The following KANSL1 variants were observed in gnomAD, a reference collection of about 807,000 sequenced individuals.
The protein encoded by KANSL1 is KAT8 regulatory NSL complex subunit 1.
Under a neutral mutation model 103.6 loss-of-function variants are expected in KANSL1, and 22 were observed. That is an observed-to-expected ratio of 0.21 (90% CI 0.15 to 0.30). The LOEUF is 0.30. Among genes scored for constraint, KANSL1 ranks in the 10% least tolerant of loss-of-function variants. The pLI is 1.00. For synonymous variants in KANSL1, 600 were observed against 527.6 expected (o/e 1.14, Z -1.88); for missense variants, 1,337 against 1,399.8 (o/e 0.96, Z 0.72).
At chr17:46,224,983 C>T (rs2048640516), upstream of KANSL1, 1 of 151,336 alleles carries the variant, frequency 6.6e-6, no homozygotes, top group Admixed American at 6.6e-5. Context: ...CACCTCGGCT[C>T]GGCCTGGCGC....
chr17:46,055,626 G>A (rs1437473085), intron 6 of KANSL1, among the ~76,000 whole-genome samples: 1 of 152,006 alleles, frequency 6.6e-6, no homozygotes, highest in African/African-American at 2.4e-5. Flanking sequence ...GGGGAGACAA[G>A]GCAAAGGGGA....
At chr17:46,153,488 A>C (rs2045240042) in intron 2 of KANSL1, among the ~76,000 whole-genome samples, 1 of 152,252 alleles carries the variant, frequency 6.6e-6, no homozygotes, top group African/African-American at 2.4e-5. Flanking sequence ...TGGGCTGGAA[A>C]TGAAAACAGA....
In KANSL1 at chr17:46,067,568, C is replaced by T. The variant is rs771191709; in HGVS notation, c.1633G>A (p.Val545Ile). Residue 545 changes from valine to isoleucine, a missense_variant, in exon 5 of 15, where the codon GTC becomes ATC. Val to Ile is a conservative substitution (Grantham distance 29). Coordinates refer to ENST00000432791, the MANE Select transcript of KANSL1 (RefSeq NM_015443.4). ...ACTTACGTGTTAATAACTCCATTGA[C>T]AGGTCTGAGTGCTCCACATGATTTG... Reference protein sequence around the residue: ...STKSCGALRPVNGVINTLQPV... With the variant: ...STKSCGALRPINGVINTLQPV... 6.3e-7 allele frequency: 1 copy of T among 1,595,004 alleles called. No individual in the cohort carries two copies.
intron 2 of KANSL1, among the ~76,000 whole-genome samples, chr17:46,142,367 CA>C (rs2044464900): frequency 6.6e-6 from 1 of 152,226 alleles, no homozygotes; most frequent in Non-Finnish European, 1.5e-5. Context: ...GTAATCACAG[CA>C]CTTTGGGAGG....
At chr17:46,066,466 T>C in intron 6 of KANSL1, 71 bp downstream of exon 6, 3 of 1,370,070 alleles carry the variant, frequency 2.2e-6, no homozygotes, top group Non-Finnish European at 2.9e-6. Flanking sequence ...ACACCAAAGT[T>C]GGCAAGAGAC....
At chr17:46,087,478 C>T (rs1033649977) in intron 3 of KANSL1, among the ~76,000 whole-genome samples, 46 of 152,136 alleles carry the variant, frequency 3.0e-4, no homozygotes, top group Non-Finnish European at 6.2e-4. Context: ...TGAGTGGCTA[C>T]CACGTGCAAG....
intron 3 of KANSL1, among the ~76,000 whole-genome samples, chr17:46,085,792 A>G (rs1287991710): frequency 2.0e-5 from 3 of 151,964 alleles, no homozygotes; most frequent in Non-Finnish European, 4.4e-5. Flanking sequence ...ACACCCAGCT[A>G]ATTGTTCTAT....
At chr17:46,128,493 T>C (rs1288181589) in intron 2 of KANSL1, among the ~76,000 whole-genome samples, 2 of 152,150 alleles carry the variant, frequency 1.3e-5, no homozygotes, top group Middle Eastern at 3.2e-3. Context: ...GAAATGTCAC[T>C]GTGACAAGTG....
intron 10 of KANSL1, chr17:46,035,053 G>C (rs565171553): frequency 6.6e-6 from 1 of 152,336 alleles, no homozygotes; most frequent in Admixed American, 6.5e-5. Flanking sequence ...CAGAGGCAGA[G>C]GTAAGCATCT....
chr17:46,218,588 G>C (rs1333353302), intron 1 of KANSL1, among the ~76,000 whole-genome samples: 1 of 152,092 alleles, frequency 6.6e-6, no homozygotes, highest in Non-Finnish European at 1.5e-5. Context: ...TTTGAGACCA[G>C]CCTGGCCAAC....
chr17:46,041,172 A>G (rs1284139802), intron 7 of KANSL1: 1 of 152,232 alleles, frequency 6.6e-6, no homozygotes, highest in African/African-American at 2.4e-5. Flanking sequence ...CTGTGAAACT[A>G]CTTCGTTATA....
chr17:46,207,399 A>C (rs2048005835), intron 1 of KANSL1, among the ~76,000 whole-genome samples: 1 of 152,054 alleles, frequency 6.6e-6, no homozygotes, highest in Non-Finnish European at 1.5e-5. Context: ...AATCCCAGCT[A>C]CTTGGGAGGC....
rs542767503 is a variant in KANSL1 at position 46,171,899 on chromosome 17, T to A, written c.245A>T (p.Tyr82Phe). ...AACAGATGTTACATCAGAGCAGAGA[T>A]AAGATGCCACCAGTGGTTGCAGCTT... ...LGKLQPLVAS[Y>F]LCSDVTSVPS... The change falls in exon 2 of 15, where the codon TAT (tyrosine) becomes TTT (phenylalanine). Residue 82 changes from tyrosine to phenylalanine, a missense_variant. Coordinates refer to ENST00000432791, the MANE Select transcript of KANSL1 (RefSeq NM_015443.4). The A allele has an allele frequency of 1.2e-6, 2 of 1,614,266 alleles. No individual in the cohort carries two copies. The highest frequency in any genetic ancestry group is 1.3e-5 in the African/African-American group (1 of 75,070).
intron 4 of KANSL1, among the ~76,000 whole-genome samples, chr17:46,071,987 T>TCCCC (rs1179827109): frequency 7.7e-6 from 1 of 130,658 alleles, no homozygotes; most frequent in Non-Finnish European, 1.6e-5. Context: ...CCCCCACCCC[T>TCCCC]CCCCCCGCCC....
intron 7 of KANSL1, chr17:46,041,525 G>A (rs912420853): frequency 6.6e-6 from 1 of 152,178 alleles, no homozygotes; most frequent in Non-Finnish European, 1.5e-5. Context: ...GTTCCCGCCA[G>A]AGTCCCTATC....
chr17:46,107,045 G>T (rs897134358), intron 2 of KANSL1, among the ~76,000 whole-genome samples: 2 of 152,180 alleles, frequency 1.3e-5, no homozygotes, highest in Non-Finnish European at 1.5e-5. Context: ...AGTGACAAAA[G>T]CATCTAATAA....
At chr17:46,201,843 CA>C (rs1281746369) in intron 1 of KANSL1, among the ~76,000 whole-genome samples, 2 of 152,100 alleles carry the variant, frequency 1.3e-5, no homozygotes, top group Admixed American at 6.5e-5. Flanking sequence ...CTATCTCTAC[CA>C]AAAACACAAA....
At chr17:46,169,769 A>G (rs1362549000) in intron 2 of KANSL1, among the ~76,000 whole-genome samples, 1 of 152,242 alleles carries the variant, frequency 6.6e-6, no homozygotes, top group East Asian at 1.9e-4. Flanking sequence ...TTAATTAAGT[A>G]CATAGATGCT....
chr17:46,050,841 A>G, intron 6 of KANSL1, 137 bp from the exon 7 acceptor site: 1 of 644,684 alleles, frequency 1.6e-6, no homozygotes, highest in Non-Finnish European at 2.6e-6. Context: ...CTTGTGTGAC[A>G]CTACTAAAAG....
Sources: gnomAD v4.1 joint callset for allele counts (sites outside exome capture counted in the v4.1 genomes callset) on GRCh38, gnomAD v4.1.1 for gene constraint, MANE v1.5 for transcripts, NCBI Gene and HGNC (gene_info 2026-07-23, HGNC 2026-07-21) for gene names.